Variants in UBR2 observed in about 807,000 individuals in gnomAD.
UBR2 encodes ubiquitin protein ligase E3 component n-recognin 2.
Under a neutral mutation model 247.9 loss-of-function variants are expected in UBR2, and 92 were observed. The ratio of observed to expected loss-of-function variants is 0.37; its 90% confidence interval spans 0.31 to 0.44. UBR2 has a LOEUF of 0.44. Ranked by LOEUF, UBR2 falls within the 20% of genes least tolerant of loss-of-function variation. The pLI is 1.00. For synonymous variants in UBR2, 672 were observed against 693.5 expected, an observed-to-expected ratio of 0.97 and a Z score of 0.49; for missense variants, 1,613 against 2,112.6, an observed-to-expected ratio of 0.76 and a Z score of 4.64.
chr6:42,631,504 C>T (rs1325949617), intron 11 of UBR2, among the ~76,000 whole-genome samples: 2 of 152,156 alleles, frequency 1.3e-5, no homozygotes, highest in African/African-American at 4.8e-5. Context: ...TAACCGATTA[C>T]TTCCACTTTT....
chr6:42,638,694 A>G (rs1338151283), intron 15 of UBR2, among the ~76,000 whole-genome samples: 2 of 152,076 alleles, frequency 1.3e-5, no homozygotes, highest in Non-Finnish European at 2.9e-5. Flanking sequence ...CAAGAAAGTG[A>G]GGCATGCGTG....
At chr6:42,586,291 G>A (rs74900998) in intron 2 of UBR2, among the ~76,000 whole-genome samples, 3,324 of 152,022 alleles carry the variant, frequency 0.022, 111 homozygotes, top group African/African-American at 0.075. Context: ...GCCCAGGAGT[G>A]GGAGGTTGCA....
chr6:42,629,982 C>T (rs550312833), intron 11 of UBR2, among the ~76,000 whole-genome samples: 3 of 151,876 alleles, frequency 2.0e-5, no homozygotes, highest in Non-Finnish European at 4.4e-5. Context: ...AGGCTGGCCT[C>T]GAAATCCTGA....
intron 3 of UBR2, 37 bp downstream of exon 3, chr6:42,592,266 G>A: frequency 7.3e-7 from 1 of 1,368,770 alleles, no homozygotes; most frequent in Non-Finnish European, 9.8e-7. Context: ...GCGCAGTATT[G>A]CATTTTATAA....
intron 10 of UBR2, among the ~76,000 whole-genome samples, chr6:42,616,969 A>G (rs73440656): frequency 0.019 from 2,849 of 152,302 alleles, 77 homozygotes; most frequent in African/African-American, 0.066. Context: ...CCAGCATACA[A>G]TGACATCTTG....
At chr6:42,584,312 C>T (rs1283578390) in intron 2 of UBR2, among the ~76,000 whole-genome samples, 1 of 152,118 alleles carries the variant, frequency 6.6e-6, no homozygotes, top group Non-Finnish European at 1.5e-5. Flanking sequence ...GCTTTGATAT[C>T]TTATAAAAAA....
At chr6:42,678,815 A>ACATAC in intron 41 of UBR2, 146 bp downstream of exon 41, 1 of 898,634 alleles carries the variant, frequency 1.1e-6, no homozygotes, top group Non-Finnish European at 1.6e-6. Flanking sequence ...TATAGCATAA[A>ACATAC]ATGTATGTTT....
At position 42,658,242 on chromosome 6, in the gene UBR2, T is replaced by C; in HGVS notation, c.2985T>C (p.Thr995=). The change falls in exon 28 of 47, where the codon ACT becomes ACC. Residue 995 remains threonine, a splice_region_variant and synonymous_variant. Transcript: ENST00000372901. ...HKDMIRWILK[T]FNAVKKMRES... is the part of the protein sequence containing the mutation. Reference sequence around the variant, plus strand: ...TACTGATACTTTTTTTTTTGTAGACTTTTAATGCTGTTAAAAAGATGAGGG... The same window carrying C: ...TACTGATACTTTTTTTTTTGTAGACCTTTAATGCTGTTAAAAAGATGAGGG... The C allele has an allele frequency of 6.2e-7, 1 of 1,613,700 alleles. No homozygotes were observed. The highest frequency in any genetic ancestry group is 8.5e-7 in the Non-Finnish European group (1 of 1,179,876).
At chr6:42,596,370 A>C (rs866519709) in intron 4 of UBR2, among the ~76,000 whole-genome samples, 2 of 151,930 alleles carry the variant, frequency 1.3e-5, no homozygotes, top group Middle Eastern at 3.2e-3. Context: ...GGATATAGAG[A>C]AATTAGAACC....
chr6:42,597,787 A>T (rs1793084424), intron 4 of UBR2, among the ~76,000 whole-genome samples: 1 of 151,858 alleles, frequency 6.6e-6, no homozygotes, highest in Non-Finnish European at 1.5e-5. Flanking sequence ...GTGGTGGCAC[A>T]TGCCTGTAAT....
intron 25 of UBR2, among the ~76,000 whole-genome samples, chr6:42,653,178 G>T (rs895575321): frequency 6.6e-6 from 1 of 152,108 alleles, no homozygotes; most frequent in Non-Finnish European, 1.5e-5. Flanking sequence ...TCTGCCTCCT[G>T]GGTTCAAGTG....
intron 44 of UBR2, among the ~76,000 whole-genome samples, chr6:42,686,232 C>A (rs1001638478): frequency 1.3e-5 from 2 of 151,674 alleles, no homozygotes; most frequent in Non-Finnish European, 2.9e-5. Flanking sequence ...TGCGGCCTTC[C>A]GCAGTGTTTG....
intron 11 of UBR2, among the ~76,000 whole-genome samples, chr6:42,632,120 AAAAT>A (rs1795790961): frequency 6.7e-6 from 1 of 149,744 alleles, no homozygotes; most frequent in South Asian, 2.1e-4. Flanking sequence ...ACACAAACAA[AAAAT>A]AAATCTCAAC....
chr6:42,625,106 T>C (rs1056221343), intron 11 of UBR2, among the ~76,000 whole-genome samples: 6 of 152,174 alleles, frequency 3.9e-5, no homozygotes, highest in Non-Finnish European at 8.8e-5. Flanking sequence ...ATTTCTCTTA[T>C]TGTCATAATT....
At position 42,627,983 on chromosome 6, in the gene UBR2, AAC is replaced by A. The variant is rs1211058723; in HGVS notation, c.1282-4567_1282-4566del. ...TCGTTGTCATAATTTTCTCACTGTT[AAC>A]AGTTTTTGCAAAGGTAGCTTTGTTT... On this transcript the variant is annotated intron_variant, in intron 11 of 46. Transcript: ENST00000372901. 3.3e-5 allele frequency among the ~76,000 whole-genome samples: 5 copies of A among 152,252 alleles called. No homozygotes were observed. In the East Asian group the frequency reaches 9.6e-4, roughly 29 times the overall value.
At chr6:42,650,457 T>C in intron 23 of UBR2, 71 bp downstream of exon 23, 4 of 1,332,060 alleles carry the variant, frequency 3.0e-6, no homozygotes, top group African/African-American at 1.5e-5. Flanking sequence ...GGTTTCACCA[T>C]GTTGCCCAGG....
chr6:42,616,282 CAT>C (rs1794544375), intron 10 of UBR2, among the ~76,000 whole-genome samples, 192 bp downstream of exon 10: 1 of 152,048 alleles, frequency 6.6e-6, no homozygotes, highest in African/African-American at 2.4e-5. Flanking sequence ...ACTCCTTGTT[CAT>C]CACCTCCTAT....
intron 1 of UBR2, among the ~76,000 whole-genome samples, chr6:42,569,515 T>A (rs73436639): frequency 6.6e-6 from 1 of 152,214 alleles, no homozygotes; most frequent in South Asian, 2.1e-4. Context: ...TTTGTAAATA[T>A]TCTCCTTAAT....
chr6:42,669,609 T>C (rs1166850237), intron 34 of UBR2, among the ~76,000 whole-genome samples: 2 of 152,196 alleles, frequency 1.3e-5, no homozygotes, highest in Middle Eastern at 3.2e-3. Context: ...CTTGGATAAC[T>C]ATTTAAGCAT....
Sources: gnomAD v4.1 joint callset for allele counts (sites outside exome capture counted in the v4.1 genomes callset) on GRCh38, gnomAD v4.1.1 for gene constraint, MANE v1.5 for transcripts, NCBI Gene and HGNC (gene_info 2026-07-23, HGNC 2026-07-21) for gene names.